The following PCDHGA12 variants were observed in gnomAD, a reference collection of about 807,000 sequenced individuals.
The protein encoded by PCDHGA12 is protocadherin gamma subfamily A, 12.
A neutral mutation model predicts 61.1 loss-of-function variants in PCDHGA12; 43 were observed. That is an observed-to-expected ratio of 0.70 (90% CI 0.55 to 0.91). The LOEUF is 0.91. Ranked by LOEUF, PCDHGA12 falls within the 40% of genes least tolerant of loss-of-function variation. The pLI is 0.00. For synonymous variants in PCDHGA12, 520 were observed against 542.9 expected, an observed-to-expected ratio of 0.96 and a Z score of 0.59; for missense variants, 1,236 against 1,227.7, an observed-to-expected ratio of 1.01 and a Z score of -0.10.
At chr5:141,508,029 A>C (rs941166006) in intron 3 of PCDHGA12, 10 of 152,264 alleles carry the variant, frequency 6.6e-5, no homozygotes, top group African/African-American at 2.4e-4. Flanking sequence ...TGCGGTTTGC[A>C]GCTCAGCCAG....
intron 1 of PCDHGA12, chr5:141,441,480 T>A (rs1679700290): frequency 5.9e-6 from 1 of 170,298 alleles, no homozygotes. Flanking sequence ...CCAACGACAA[T>A]GCTCTGGTTT....
Position 141,485,668 on chromosome 5 carries a change from T to C in PCDHGA12, c.2425-9139T>C. 6.2e-7 allele frequency: 1 copy of C among 1,612,698 alleles called. No homozygotes were observed. The highest frequency in any genetic ancestry group is 1.3e-5 in the African/African-American group (1 of 74,972). ...CTCAGGATGCAGATGTGGGGAGCAA[T>C]TCGATTAGCAGCTATAGGCTGAGCT... On this transcript the variant is annotated intron_variant, in intron 1 of 3. Transcript: ENST00000252085. The surrounding 1 kb of genome is among the most constrained non-coding windows in gnomAD (Gnocchi z 5.7).
At chr5:141,461,817 C>A (rs2099023873) in intron 1 of PCDHGA12, among the ~76,000 whole-genome samples, 1 of 150,844 alleles carries the variant, frequency 6.6e-6, no homozygotes, top group South Asian at 2.1e-4. Flanking sequence ...CCACACCCAG[C>A]TAATTTTTTT....
intron 1 of PCDHGA12, among the ~76,000 whole-genome samples, chr5:141,483,024 G>A (rs1210804345): frequency 6.6e-6 from 1 of 152,094 alleles, no homozygotes; most frequent in Non-Finnish European, 1.5e-5. Context: ...GGCAGAGGTT[G>A]CAATGAGCTG....
At chr5:141,459,427 G>A (rs1489214494) in intron 1 of PCDHGA12, among the ~76,000 whole-genome samples, 2 of 152,228 alleles carry the variant, frequency 1.3e-5, no homozygotes, top group Non-Finnish European at 2.9e-5. Flanking sequence ...ATATCACAAT[G>A]TGTTCATTCA....
rs760319541 is a variant in PCDHGA12, at chr5:141,477,772, C to T, written c.2425-17035C>T. 1.2e-6 allele frequency: 2 copies of T among 1,614,026 alleles called. No homozygotes were observed. Among genetic ancestry groups the T allele is most frequent in the South Asian group, 1.1e-5 (1 of 91,088 alleles). ...CCCCGGTCCTAGCCACCAACATCAGCGTGAACATATTTGTCACTGATCGCA... is the reference window on the plus strand; with the variant it reads ...CCCCGGTCCTAGCCACCAACATCAGTGTGAACATATTTGTCACTGATCGCA... On this transcript the variant is annotated intron_variant, in intron 1 of 3. Coordinates refer to ENST00000252085, the MANE Select transcript of PCDHGA12 (RefSeq NM_003735.3). This position sits in a 1 kb window ranked among gnomAD's most constrained non-coding sequence, Gnocchi z 4.9.
intron 1 of PCDHGA12, among the ~76,000 whole-genome samples, chr5:141,474,280 C>A (rs1490512371): frequency 6.6e-6 from 1 of 152,136 alleles, no homozygotes; most frequent in African/African-American, 2.4e-5. Context: ...CTCTGAATAA[C>A]CCACTAGATC....
At chr5:141,500,619 G>A (rs1230172485) in intron 2 of PCDHGA12, among the ~76,000 whole-genome samples, 1 of 152,072 alleles carries the variant, frequency 6.6e-6, no homozygotes, top group East Asian at 1.9e-4. Context: ...CCAGTCATAC[G>A]GTACATTTCC....
chr5:141,444,762 T>A (rs767523211), intron 1 of PCDHGA12, among the ~76,000 whole-genome samples: 2 of 152,248 alleles, frequency 1.3e-5, no homozygotes, highest in Non-Finnish European at 2.9e-5. Flanking sequence ...TAGTTCTATT[T>A]CTATATTCTT....
chr5:141,512,395 C>T lies in PCDHGA12; in HGVS notation c.*1222C>T, dbSNP rs1229077213. ...ACCAAATGAACAGAAAGTCTCAGCCCAGGATGGGGCTTCTTCAACAGGGCC... is the reference window on the plus strand; with the variant it reads ...ACCAAATGAACAGAAAGTCTCAGCCTAGGATGGGGCTTCTTCAACAGGGCC... On this transcript the variant is annotated 3_prime_UTR_variant, in exon 4 of 4. Coordinates refer to ENST00000252085, the MANE Select transcript of PCDHGA12 (RefSeq NM_003735.3). 1 of 152,690 alleles carries T rather than the reference C, an allele frequency of 6.5e-6. No individual in the cohort carries two copies. Among genetic ancestry groups the T allele is most frequent in the Non-Finnish European group, 1.5e-5 (1 of 68,072 alleles). The allele number at this position is 152,690 out of a possible 1,614,324, so 9.5% of individuals were successfully genotyped here.
In PCDHGA12 at chr5:141,512,839, C is replaced by T. The variant is rs141207714; in HGVS notation, c.*1666C>T. ...GACCCCCTCCCCCGTACTGACTTCTCCTATAAGCGCTTCTCTTCGCATAGT... is the reference window on the plus strand; with the variant it reads ...GACCCCCTCCCCCGTACTGACTTCTTCTATAAGCGCTTCTCTTCGCATAGT... On this transcript the variant is annotated 3_prime_UTR_variant, in exon 4 of 4. Transcript: ENST00000252085. 278 of 152,216 alleles carry T rather than the reference C, an allele frequency of 1.8e-3. 2 individuals are homozygous for T. Among genetic ancestry groups the T allele is most frequent in the Middle Eastern group, 0.01 (3 of 292 alleles). 9.4% of individuals were successfully genotyped at this position (152,216 alleles called of 1,614,324 possible). A position where few individuals can be genotyped will look rare whatever the true frequency, so the allele number is the denominator to read the frequency against.
rs747077639 is a variant in PCDHGA12, at chr5:141,432,371, G to C, written c.1612G>C (p.Gly538Arg). 2 of 1,614,234 alleles carry C rather than the reference G, an allele frequency of 1.2e-6. No individual in the cohort carries two copies. The highest frequency in any genetic ancestry group is 1.6e-4 in the Middle Eastern group (1 of 6,062). ...AGTGAAAGTGATGGCGCGGGACAAC[G>C]GGCACCCGCCCCTCAGCAGCAACGT... Reference protein sequence around the residue: ...LQVKVMARDNGHPPLSSNVSL... With the variant: ...LQVKVMARDNRHPPLSSNVSL... The change falls in exon 1 of 4, where the codon GGG (glycine) becomes CGG (arginine). Residue 538 changes from glycine (G) to arginine (R), a missense_variant. Transcript: ENST00000252085. The surrounding 1 kb of genome is among the most constrained non-coding windows in gnomAD (Gnocchi z 6.0).
rs532631149 is a variant in PCDHGA12, at chr5:141,506,489, C to A, written c.2572+1008C>A. On this transcript the variant is annotated intron_variant, in intron 3 of 3. Transcript: ENST00000252085. ...AAGAGCACAGGCTTTAGAGGCAGGC[C>A]AATCTGGATTCAAATCCTGGCACCT... 1.9e-4 allele frequency among the ~76,000 whole-genome samples: 29 copies of A among 150,750 alleles called. 1 individual carries two copies. In the South Asian group the frequency reaches 5.9e-3, roughly 31 times the overall value.
intron 3 of PCDHGA12, among the ~76,000 whole-genome samples, chr5:141,508,954 C>A (rs2154594435): frequency 6.6e-6 from 1 of 152,170 alleles, no homozygotes; most frequent in Admixed American, 6.5e-5. Context: ...AGAGAAATGT[C>A]AGCGGAATGA....
intron 1 of PCDHGA12, chr5:141,471,533 G>C (rs921328911): frequency 1.3e-5 from 2 of 152,234 alleles, no homozygotes. Context: ...AGGAAGCTAT[G>C]ATAGCATTTA....
Position 141,491,755 on chromosome 5 carries a change from G to T in PCDHGA12, c.2425-3052G>T, listed in dbSNP as rs1402188587. 3 of 1,582,078 alleles carry T rather than the reference G, an allele frequency of 1.9e-6. No individual in the cohort carries two copies. Among genetic ancestry groups the T allele is most frequent in the Non-Finnish European group, 2.6e-6 (3 of 1,165,458 alleles). On this transcript the variant is annotated intron_variant, in intron 1 of 3. Coordinates refer to ENST00000252085, the MANE Select transcript of PCDHGA12 (RefSeq NM_003735.3). This position sits in a 1 kb window ranked among gnomAD's most constrained non-coding sequence, Gnocchi z 6.9. ...CCCTGGGGGCGGCACTGGAGAAGCC[G>T]CCCGTCCTCATAAGGGATTGAACTT...
intron 1 of PCDHGA12, among the ~76,000 whole-genome samples, chr5:141,481,293 TC>T (rs2099535148): frequency 6.6e-6 from 1 of 152,174 alleles, no homozygotes; most frequent in South Asian, 2.1e-4. Context: ...ATTTCAGTCA[TC>T]TAAGGGAAAA....
At position 141,489,749 on chromosome 5, in the gene PCDHGA12, AC is replaced by A; in HGVS notation, c.2425-5057del. ...GTGGGCACCAATACTGTGAGCTTTT[AC>A]ACTCTAAGCCCCAACAGCCACTTCT... is the stretch of plus-strand genomic sequence containing the variant. On this transcript the variant is annotated intron_variant, in intron 1 of 3. Transcript: ENST00000252085. The surrounding 1 kb of genome is among the most constrained non-coding windows in gnomAD (Gnocchi z 4.5). 6.2e-7 allele frequency: 1 copy of A among 1,614,126 alleles called. No individual in the cohort carries two copies. Among genetic ancestry groups the A allele is most frequent in the Non-Finnish European group, 8.5e-7 (1 of 1,180,002 alleles).
At chr5:141,438,637 C>T (rs11958903) in intron 1 of PCDHGA12, among the ~76,000 whole-genome samples, 3,503 of 30,116 alleles carry the variant, frequency 0.12, 108 homozygotes, top group Non-Finnish European at 0.15. Context: ...TATATATATA[C>T]ACACACACAC....
Sources: gnomAD v4.1 joint callset for allele counts (sites outside exome capture counted in the v4.1 genomes callset) on GRCh38, gnomAD v4.1.1 for gene constraint, Gnocchi (gnomAD v3.1) non-coding constraint, MANE v1.5 for transcripts, NCBI Gene and HGNC (gene_info 2026-07-23, HGNC 2026-07-21) for gene names.